The following EVI5L variants were observed in gnomAD, a reference collection of about 807,000 sequenced individuals.
EVI5L encodes the protein ecotropic viral integration site 5 like, also known as EVI5-like protein.
EVI5L carries 30 observed loss-of-function variants against 106.1 expected under a neutral mutation model. That is an observed-to-expected ratio of 0.28 (90% CI 0.21 to 0.38). The LOEUF (loss-of-function observed/expected upper bound fraction) is 0.38. EVI5L is among the 10% of genes least tolerant of loss of function. The pLI, the probability that EVI5L is intolerant of heterozygous loss-of-function variation, is 1.00. For synonymous variants in EVI5L, 489 were observed against 483.3 expected (o/e 1.01, Z -0.15); for missense variants, 809 against 1,098.0 (o/e 0.74, Z 3.72).
chr19:7,843,278 G>A (rs1399036565), intron 1 of EVI5L, among the ~76,000 whole-genome samples: 1 of 140,820 alleles, frequency 7.1e-6, no homozygotes, highest in Non-Finnish European at 1.5e-5. Flanking sequence ...ATAGGCATGG[G>A]TGTGTGTGTC....
intron 14 of EVI5L, 31 bp from the exon 15 acceptor site, chr19:7,861,847 C>G (rs1172136875): frequency 6.5e-7 from 1 of 1,549,102 alleles, no homozygotes; most frequent in Non-Finnish European, 8.7e-7. Context: ...CTGCGCTGCT[C>G]CCCCAGGCCC....
At chr19:7,860,263 G>C (rs1388559500) in intron 13 of EVI5L, among the ~76,000 whole-genome samples, 1 of 152,156 alleles carries the variant, frequency 6.6e-6, no homozygotes, top group Non-Finnish European at 1.5e-5. Context: ...ACCCTCACCA[G>C]TGATCCCGGA....
chr19:7,835,303 T>A lies in EVI5L; in HGVS notation c.-48+4922T>A, dbSNP rs1174259009. 1.3e-5 allele frequency among the ~76,000 whole-genome samples: 2 copies of A among 151,010 alleles called. No homozygotes were observed. The highest frequency in any genetic ancestry group is 3.0e-5 in the Non-Finnish European group (2 of 67,736). On this transcript the variant is annotated intron_variant, in intron 1 of 19. Coordinates refer to ENST00000538904, the MANE Select transcript of EVI5L (RefSeq NM_001159944.3). The surrounding 1 kb of genome is among the most constrained non-coding windows in gnomAD (Gnocchi z 4.1). ...CGGGTGCATCACCTGAGGTCAGGAGTTCGAGACCAGCTTGGTTAACACAGT... is the reference window on the plus strand; with the variant it reads ...CGGGTGCATCACCTGAGGTCAGGAGATCGAGACCAGCTTGGTTAACACAGT...
In EVI5L at chr19:7,864,429, T is replaced by C. The variant is rs1409247238; in HGVS notation, c.*727T>C. On this transcript the variant is annotated 3_prime_UTR_variant, in exon 20 of 20. Transcript: ENST00000538904. This position sits in a 1 kb window ranked among gnomAD's most constrained non-coding sequence, Gnocchi z 4.5. ...CCCCTCTCCCCAGTGCCCCACATCTTTCTCTGGGAGACACTCGCGCCCCCT... is the reference window on the plus strand; with the variant it reads ...CCCCTCTCCCCAGTGCCCCACATCTCTCTCTGGGAGACACTCGCGCCCCCT... 6.6e-6 allele frequency: 1 copy of C among 152,384 alleles called. No homozygotes were observed. Among genetic ancestry groups the C allele is most frequent in the African/African-American group, 2.4e-5 (1 of 41,414 alleles). The allele number at this position is 152,384 out of a possible 1,614,324, so 9.4% of individuals were successfully genotyped here. A position where few individuals can be genotyped will look rare whatever the true frequency, so the allele number is the denominator to read the frequency against.
At position 7,848,844 on chromosome 19, in the gene EVI5L, G is replaced by C; in HGVS notation, c.328-77G>C. The C allele has an allele frequency of 7.0e-7, 1 of 1,427,148 alleles. No individual in the cohort carries two copies. The highest frequency in any genetic ancestry group is 9.6e-7 in the Non-Finnish European group (1 of 1,036,726). 88.4% of individuals were successfully genotyped at this position (1,427,148 alleles called of 1,614,324 possible). A position where few individuals can be genotyped will look rare whatever the true frequency, so the allele number is the denominator to read the frequency against. ...CTTGAGGCCTGGATGAGCCACGCCT[G>C]AGGAGCTGGGCTGGGTGGCCACGGG... On this transcript the variant is annotated intron_variant, in intron 3 of 19. Transcript: ENST00000538904. This position sits in a 1 kb window ranked among gnomAD's most constrained non-coding sequence, Gnocchi z 4.8.
At position 7,863,022 on chromosome 19, in the gene EVI5L, T is replaced by C; in HGVS notation, c.1998T>C (p.Ala666=). The change falls in exon 18 of 20, where the codon GCT becomes GCC. Residue 666 remains alanine, a synonymous_variant. Coordinates refer to ENST00000538904, the MANE Select transcript of EVI5L (RefSeq NM_001159944.3). The surrounding 1 kb of genome is among the most constrained non-coding windows in gnomAD (Gnocchi z 7.7). ...AVRLREADSM[A]AVAEMRQRIA... is the part of the protein sequence containing the mutation. ...GACTGCGGGAGGCGGACAGCATGGCTGCGGTGGCCGAGATGCGGCAGCGCA... is the reference window on the plus strand; with the variant it reads ...GACTGCGGGAGGCGGACAGCATGGCCGCGGTGGCCGAGATGCGGCAGCGCA... 6.3e-7 allele frequency: 1 copy of C among 1,581,480 alleles called. No homozygotes were observed. Among genetic ancestry groups the C allele is most frequent in the East Asian group, 2.3e-5 (1 of 42,970 alleles).
Position 7,860,635 on chromosome 19 carries a change from G to A in EVI5L, c.1449G>A (p.Thr483=), listed in dbSNP as rs372409839. The change falls in exon 14 of 20, where the codon ACG becomes ACA. Residue 483 remains threonine, a synonymous_variant. Transcript: ENST00000538904. ...TELEQSRLRE[T]ETLGALREMQ... ...TGGAGCAGTCGAGGCTGCGGGAGACGGAGACACTGGGGGCCCTTCGGGAGA... is the reference window on the plus strand; with the variant it reads ...TGGAGCAGTCGAGGCTGCGGGAGACAGAGACACTGGGGGCCCTTCGGGAGA... 78 of 1,597,364 alleles carry A rather than the reference G, an allele frequency of 4.9e-5. No individual in the cohort carries two copies. Among genetic ancestry groups the A allele is most frequent in the South Asian group, 1.1e-4 (10 of 88,562 alleles).
chr19:7,830,842 C>G, intron 1 of EVI5L, among the ~76,000 whole-genome samples: 1 of 146,320 alleles, frequency 6.8e-6, no homozygotes, highest in Non-Finnish European at 1.5e-5. Context: ...TCCCCGCACC[C>G]CCTCACTTCA....
chr19:7,840,337 G>C (rs1171717225), intron 1 of EVI5L, among the ~76,000 whole-genome samples: 1 of 152,182 alleles, frequency 6.6e-6, no homozygotes, highest in Admixed American at 6.6e-5. Flanking sequence ...AATTAGCCAG[G>C]CATGGCGGCA....
chr19:7,862,109 C>T lies in EVI5L; in HGVS notation c.1645-13C>T, dbSNP rs752408440. On this transcript the variant is annotated splice_polypyrimidine_tract_variant and intron_variant, in intron 15 of 19. Coordinates refer to ENST00000538904, the MANE Select transcript of EVI5L (RefSeq NM_001159944.3). ...CGGAGGCTGACCGCCGGCTTCTCGG[C>T]TTCACCCCCCAGGCCCATCTGGCCC... is the stretch of plus-strand genomic sequence containing the variant. The T allele has an allele frequency of 6.4e-7, 1 of 1,560,170 alleles. No individual in the cohort carries two copies. The highest frequency in any genetic ancestry group is 1.9e-5 in the Admixed American group (1 of 52,192).
chr19:7,831,546 C>G (rs1036949387), intron 1 of EVI5L, among the ~76,000 whole-genome samples: 3 of 152,200 alleles, frequency 2.0e-5, no homozygotes, highest in African/African-American at 7.2e-5. Flanking sequence ...CCCCAGAATC[C>G]CCCAGCACCT....
chr19:7,853,593 C>A, intron 10 of EVI5L: 1 of 569,848 alleles, frequency 1.8e-6, no homozygotes, highest in South Asian at 2.0e-5. Context: ...CATGGGGAAG[C>A]AATCAATAAA....
Position 7,861,861 on chromosome 19 carries a change from C to T in EVI5L, c.1504-17C>T. On this transcript the variant is annotated splice_polypyrimidine_tract_variant and intron_variant, in intron 14 of 19. Coordinates refer to ENST00000538904, the MANE Select transcript of EVI5L (RefSeq NM_001159944.3). Reference sequence around the variant, plus strand: ...GCTGCGCTGCTCCCCCAGGCCCTGACCCCACTCTTCCCGCAGAGGAACAGC... The same window carrying T: ...GCTGCGCTGCTCCCCCAGGCCCTGATCCCACTCTTCCCGCAGAGGAACAGC... The T allele has an allele frequency of 6.5e-7, 1 of 1,550,284 alleles. No homozygotes were observed. The highest frequency in any genetic ancestry group is 1.2e-5 in the South Asian group (1 of 84,070).
Position 7,863,718 on chromosome 19 carries a change from G to A in EVI5L, c.*16G>A, listed in dbSNP as rs927060574. 3 of 1,445,138 alleles carry A rather than the reference G, an allele frequency of 2.1e-6. No homozygotes were observed. Among genetic ancestry groups the A allele is most frequent in the South Asian group, 1.4e-5 (1 of 70,682 alleles). The allele number at this position is 1,445,138 out of a possible 1,614,324, so 89.5% of individuals were successfully genotyped here. On this transcript the variant is annotated 3_prime_UTR_variant, in exon 20 of 20. Coordinates refer to ENST00000538904, the MANE Select transcript of EVI5L (RefSeq NM_001159944.3). This position sits in a 1 kb window ranked among gnomAD's most constrained non-coding sequence, Gnocchi z 7.7. ...GGACAACTGAGGCCATGCCCAGCGC[G>A]CCCGGAGTCAGGAGGCCGCAGCCGC...
intron 4 of EVI5L, 34 bp from the exon 5 acceptor site, chr19:7,849,222 C>T (rs368506959): frequency 1.9e-5 from 31 of 1,613,650 alleles, no homozygotes; most frequent in Admixed American, 5.0e-5. Context: ...TGCTGGACGG[C>T]GGGACCCTGC....
intron 1 of EVI5L, among the ~76,000 whole-genome samples, chr19:7,841,142 T>C (rs1004808240): frequency 6.6e-6 from 1 of 152,166 alleles, no homozygotes; most frequent in African/African-American, 2.4e-5. Flanking sequence ...GATTCCTGCC[T>C]CTGCGGGGGA....
rs750222271 is a variant in EVI5L, at chr19:7,849,321, C to G, written c.618C>G (p.Leu206=). The G allele has an allele frequency of 1.2e-6, 2 of 1,614,096 alleles. No homozygotes were observed. The highest frequency in any genetic ancestry group is 2.7e-5 in the African/African-American group (2 of 75,054). The change falls in exon 5 of 20, where the codon CTC becomes CTG. Residue 206 remains leucine (L), a synonymous_variant. Transcript: ENST00000538904. ...GAAGCGCCTTCATCGTGGGCCTGCTCCTCATGCAGGTAGGTGGCTGGGGGG... is the reference window on the plus strand; with the variant it reads ...GAAGCGCCTTCATCGTGGGCCTGCTGCTCATGCAGGTAGGTGGCTGGGGGG... The part of the protein sequence containing the change: ...CQGSAFIVGL[L]LMQMPEEEAF...
chr19:7,862,487 A>T lies in EVI5L; in HGVS notation c.1900A>T (p.Thr634Ser). Residue 634 changes from threonine to serine, a missense_variant, in exon 17 of 20, where the codon ACG (threonine) becomes TCG (serine). Transcript: ENST00000538904. Reference sequence around the variant, plus strand: ...GGCTGCACAGAACAAGGGGCTGCAGACGCAGCTCAGCGAAAGCCGCCGCAA... The same window carrying T: ...GGCTGCACAGAACAAGGGGCTGCAGTCGCAGCTCAGCGAAAGCCGCCGCAA... Reference protein sequence around the residue: ...YLAAQNKGLQTQLSESRRKQA... With the variant: ...YLAAQNKGLQSQLSESRRKQA... The T allele has an allele frequency of 6.3e-7, 1 of 1,586,284 alleles. No homozygotes were observed. Among genetic ancestry groups the T allele is most frequent in the Non-Finnish European group, 8.6e-7 (1 of 1,167,542 alleles).
rs2146440836 is a variant in EVI5L, at chr19:7,862,548, CGGCCCCGCCCTGCCCGT to C, written c.1947+18_1947+34del. The C allele has an allele frequency of 7.0e-7, 1 of 1,422,756 alleles. No individual in the cohort carries two copies. Among genetic ancestry groups the C allele is most frequent in the East Asian group, 2.9e-5 (1 of 34,540 alleles). 88.1% of individuals were successfully genotyped at this position (1,422,756 alleles called of 1,614,324 possible). On this transcript the variant is annotated intron_variant, in intron 17 of 19. Transcript: ENST00000538904. ...GCCGAGTGCAAGGTGCAGACCCCCG[CGGCCCCGCCCTGCCCGT>C]GGCACCGCCCCCGGACGCGCCCCTA...
Sources: allele counts gnomAD v4.1 joint callset (sites outside exome capture counted in the v4.1 genomes callset), GRCh38; gene constraint gnomAD v4.1.1; non-coding constraint Gnocchi (gnomAD v3.1); transcripts MANE v1.5; gene names NCBI Gene and HGNC (gene_info 2026-07-23, HGNC 2026-07-21).